Variants in ANXA4 observed in about 807,000 individuals in gnomAD.
ANXA4 encodes annexin A4.
A neutral mutation model predicts 49.8 loss-of-function variants in ANXA4; 39 were observed. That is an observed-to-expected ratio of 0.78 (90% CI 0.61 to 1.02). The LOEUF is 1.02. Ranked by LOEUF, ANXA4 falls within the 50% of genes least tolerant of loss-of-function variation. ANXA4 has a pLI of 0.00. For missense variants in ANXA4, 360 were observed against 410.1 expected (o/e 0.88, Z 1.05); for synonymous variants, 134 against 152.5 (o/e 0.88, Z 0.89).
chr2:69,757,262 A>AT (rs1671084906), intron 1 of ANXA4, among the ~76,000 whole-genome samples: 9 of 50,250 alleles, frequency 1.8e-4, no homozygotes, highest in Admixed American at 6.6e-4. Flanking sequence ...ATATATATAT[A>AT]TATATTTTTT....
At chr2:69,722,895 G>A (rs572987185) in intron 3 of ANXA4, among the ~76,000 whole-genome samples, 2 of 151,794 alleles carry the variant, frequency 1.3e-5, no homozygotes, top group East Asian at 1.9e-4. Context: ...GAAATAGGCC[G>A]GGCATGGTGG....
At chr2:69,779,256 A>T (rs1002045804) in intron 1 of ANXA4, among the ~76,000 whole-genome samples, 18 of 152,036 alleles carry the variant, frequency 1.2e-4, no homozygotes, top group Non-Finnish European at 1.9e-4. Flanking sequence ...AAAGATAAAG[A>T]TGTCTAGTTA....
At chr2:69,739,810 C>T (rs556476387), upstream of ANXA4, among the ~76,000 whole-genome samples, 28 of 152,250 alleles carry the variant, frequency 1.8e-4, no homozygotes, top group Middle Eastern at 6.8e-3. Flanking sequence ...TTCCTGGAAA[C>T]AGAGCCTGAC....
chr2:69,808,195 G>A, intron 6 of ANXA4, 199 bp downstream of exon 6: 1 of 566,404 alleles, frequency 1.8e-6, no homozygotes. Flanking sequence ...CTCAGGTGAA[G>A]ATGACACTCT....
At chr2:69,665,247 C>G (rs1004122628) in intron 2 of ANXA4, among the ~76,000 whole-genome samples, 4 of 152,150 alleles carry the variant, frequency 2.6e-5, no homozygotes, top group African/African-American at 9.7e-5. Flanking sequence ...CGGCAGAGAT[C>G]ACGTGAACAG....
intron 2 of ANXA4, 80 bp downstream of exon 2, chr2:69,781,654 A>C: frequency 6.6e-7 from 1 of 1,518,646 alleles, no homozygotes; most frequent in Admixed American, 1.7e-5. Context: ...CTGTTAGCTT[A>C]AACAAAGCAT....
intron 3 of ANXA4, among the ~76,000 whole-genome samples, chr2:69,731,664 A>G (rs971360049): frequency 6.6e-6 from 1 of 151,606 alleles, no homozygotes; most frequent in African/African-American, 2.4e-5. Flanking sequence ...TAAAAAGCCA[A>G]TAATTGAATT....
chr2:69,652,838 G>A lies in ANXA4; in HGVS notation n.482-160G>A, dbSNP rs145534526. Among the ~76,000 whole-genome samples, 682 of 152,282 alleles carry A rather than the reference G, an allele frequency of 4.5e-3. 3 individuals are homozygous for A. The highest frequency in any genetic ancestry group is 7.8e-3 in the Non-Finnish European group (533 of 68,018). On this transcript the variant is annotated intron_variant and non_coding_transcript_variant, in intron 1 of 3. Transcript: ENST00000418066. ...AGTGCCACTGCACCCCAGCCTGGGC[G>A]ACAGAGCAAGATTTCGTCCCCCACA...
At chr2:69,745,906 T>C (rs1670593128) in intron 1 of ANXA4, among the ~76,000 whole-genome samples, 1 of 152,184 alleles carries the variant, frequency 6.6e-6, no homozygotes, top group Admixed American at 6.5e-5. Flanking sequence ...AATAAAAACA[T>C]ATCACCTTCC....
rs182533426 is a variant in ANXA4, at chr2:69,711,245, G to A, written n.767-9529G>A. On this transcript the variant is annotated intron_variant and non_coding_transcript_variant, in intron 2 of 3. Transcript: ENST00000418066. ...CTTGGGAGGCTGAGGCGGGAGAACC[G>A]CTTGAACCCAGGAGGCAGAGGTTGC... is the stretch of plus-strand genomic sequence containing the variant. 6.6e-5 allele frequency among the ~76,000 whole-genome samples: 10 copies of A among 152,308 alleles called. No individual in the cohort carries two copies. In the South Asian group the frequency reaches 1.7e-3, roughly 25 times the overall value.
At chr2:69,794,656 G>A (rs189070391) in intron 3 of ANXA4, among the ~76,000 whole-genome samples, 9 of 152,014 alleles carry the variant, frequency 5.9e-5, no homozygotes, top group Non-Finnish European at 8.8e-5. Flanking sequence ...TCTGCCTTCC[G>A]AGTTCACGCC....
intron 2 of ANXA4, among the ~76,000 whole-genome samples, chr2:69,699,442 C>T (rs1429406188): frequency 6.6e-6 from 1 of 151,900 alleles, no homozygotes; most frequent in East Asian, 1.9e-4. Flanking sequence ...GAGTTCAAGA[C>T]CAGCCCTGGC....
chr2:69,791,397 T>C (rs1326386214), intron 3 of ANXA4, among the ~76,000 whole-genome samples: 1 of 152,248 alleles, frequency 6.6e-6, no homozygotes, highest in Non-Finnish European at 1.5e-5. Context: ...AATGGATTCT[T>C]GCTGCACTGA....
chr2:69,798,066 A>G (rs191221938), intron 3 of ANXA4, among the ~76,000 whole-genome samples: 48 of 152,344 alleles, frequency 3.2e-4, no homozygotes, highest in African/African-American at 1.1e-3. Context: ...TAGAGGGGCT[A>G]TCCGGTCCGA....
At chr2:69,664,882 C>T (rs1439254758) in intron 2 of ANXA4, among the ~76,000 whole-genome samples, 2 of 152,148 alleles carry the variant, frequency 1.3e-5, no homozygotes, top group Non-Finnish European at 2.9e-5. Context: ...GCAGGCAGAT[C>T]ACTTGAGGTC....
chr2:69,812,673 T>C lies in ANXA4; in HGVS notation c.498T>C (p.Asn166=), dbSNP rs1343516634. Residue 166 remains asparagine (N), a synonymous_variant, in exon 8 of 13, where the codon AAT becomes AAC. Coordinates refer to ENST00000394295, the MANE Select transcript of ANXA4 (RefSeq NM_001153.5). The stretch of plus-strand genomic sequence containing the variant: ...CTCAGGGTGGGAGGGATGAAGGAAA[T>C]TATCTGGACGATGCTCTCGTGAGAC... ...SLSAGGRDEG[N]YLDDALVRQD... is the part of the protein sequence containing the mutation. 2.5e-6 allele frequency: 4 copies of C among 1,614,016 alleles called. No individual in the cohort carries two copies. The highest frequency in any genetic ancestry group is 8.5e-7 in the Non-Finnish European group (1 of 1,179,994).
rs144393878 is a variant in ANXA4, at chr2:69,668,842, C to T, written n.766+15560C>T. Among the ~76,000 whole-genome samples the T allele has an allele frequency of 3.2e-3, 482 of 152,152 alleles. 3 individuals are homozygous for T. The highest frequency in any genetic ancestry group is 0.011 in the African/African-American group (471 of 41,492). ...ACCACATGTCCCACAAGATGGTAAA[C>T]GCTGACACACAAATGTTATATAGTC... is the stretch of plus-strand genomic sequence containing the variant. On this transcript the variant is annotated intron_variant and non_coding_transcript_variant, in intron 2 of 3. Transcript: ENST00000418066.
intron 6 of ANXA4, chr2:69,808,877 G>C (rs895027741): frequency 2.6e-5 from 4 of 152,090 alleles, no homozygotes; most frequent in Non-Finnish European, 4.4e-5. Flanking sequence ...GCCCAGGCTG[G>C]TCTCAAACTC....
At chr2:69,708,775 C>T (rs549096145) in intron 2 of ANXA4, among the ~76,000 whole-genome samples, 1 of 152,082 alleles carries the variant, frequency 6.6e-6, no homozygotes, top group Admixed American at 6.5e-5. Flanking sequence ...ATCTGCATCC[C>T]ATCCACCTAG....
Sources: allele counts gnomAD v4.1 joint callset (sites outside exome capture counted in the v4.1 genomes callset), GRCh38; gene constraint gnomAD v4.1.1; transcripts MANE v1.5; gene names NCBI Gene and HGNC (gene_info 2026-07-23, HGNC 2026-07-21).